Variants in KCNQ1 observed in about 807,000 individuals in gnomAD.
KCNQ1 encodes the protein potassium voltage-gated channel subfamily Q member 1.
KCNQ1 carries 49 observed loss-of-function variants against 72.4 expected under a neutral mutation model. That is an observed-to-expected ratio of 0.68 (90% confidence interval 0.54 to 0.86). KCNQ1 has a LOEUF of 0.86. KCNQ1 is among the 40% of genes least tolerant of loss of function. KCNQ1 has a pLI of 0.00. For missense variants in KCNQ1, 790 were observed against 945.1 expected, an observed-to-expected ratio of 0.84 and a Z score of 2.15; for synonymous variants, 450 against 412.6, an observed-to-expected ratio of 1.09 and a Z score of -1.10.
At position 2,690,089 on chromosome 11, in the gene KCNQ1, G is replaced by C. The variant is rs1409346512; in HGVS notation, c.1514+28008G>C. The C allele has an allele frequency of 2.5e-6, 1 of 398,896 alleles. No individual in the cohort carries two copies. The highest frequency in any genetic ancestry group is 6.3e-4 in the Middle Eastern group (1 of 1,596). The allele number at this position is 398,896 out of a possible 1,614,324, so 24.7% of individuals were successfully genotyped here. A position where few individuals can be genotyped will look rare whatever the true frequency, so the allele number is the denominator to read the frequency against. ...TCTGTCTGGGCTGAAGGCACAGCAGGGACAATCGCTCTTCCGGGGTTAGAA... is the reference window on the plus strand; with the variant it reads ...TCTGTCTGGGCTGAAGGCACAGCAGCGACAATCGCTCTTCCGGGGTTAGAA... On this transcript the variant is annotated intron_variant, in intron 11 of 15. Coordinates refer to ENST00000155840, the MANE Select transcript of KCNQ1 (RefSeq NM_000218.3). This position sits in a 1 kb window ranked among gnomAD's most constrained non-coding sequence, Gnocchi z 5.1.
intron 15 of KCNQ1, among the ~76,000 whole-genome samples, chr11:2,793,342 G>C (rs946389216): frequency 3.3e-5 from 5 of 152,190 alleles, no homozygotes; most frequent in African/African-American, 1.2e-4. Flanking sequence ...AACTGAGGCT[G>C]GGCACAGTGG....
intron 15 of KCNQ1, among the ~76,000 whole-genome samples, chr11:2,811,974 C>A (rs1410206685): frequency 1.3e-5 from 2 of 152,168 alleles, no homozygotes; most frequent in East Asian, 1.9e-4. Context: ...AGACCCCACG[C>A]CCTGGCACGC....
In KCNQ1 at chr11:2,588,121, AC is replaced by A. The variant is rs1848620636; in HGVS notation, c.1251+430del. Among the ~76,000 whole-genome samples, 1 of 152,070 alleles carries A rather than the reference AC, an allele frequency of 6.6e-6. No homozygotes were observed. The highest frequency in any genetic ancestry group is 1.5e-5 in the Non-Finnish European group (1 of 67,990). The stretch of plus-strand genomic sequence containing the variant: ...GTGCAGCGAAGGGGGTCTGGAGGTC[AC>A]AGGGCAGTGGAGTTTGGCAGGCGCT... On this transcript the variant is annotated intron_variant, in intron 9 of 15. Coordinates refer to ENST00000155840, the MANE Select transcript of KCNQ1 (RefSeq NM_000218.3). This position sits in a 1 kb window ranked among gnomAD's most constrained non-coding sequence, Gnocchi z 5.6.
In KCNQ1 at chr11:2,803,164, C is replaced by CA. The variant is rs1564899176; in HGVS notation, c.1794+25127_1794+25128insA. On this transcript the variant is annotated intron_variant, in intron 15 of 15. Coordinates refer to ENST00000155840, the MANE Select transcript of KCNQ1 (RefSeq NM_000218.3). This position sits in a 1 kb window ranked among gnomAD's most constrained non-coding sequence, Gnocchi z 6.4. Reference sequence around the variant, plus strand: ...AGAAAACCCAGCCGGGCCCCCCCCCCCACGGGCACCCAGGAACCGCCCTGG... The same window carrying CA: ...AGAAAACCCAGCCGGGCCCCCCCCCCACACGGGCACCCAGGAACCGCCCTGG... Among the ~76,000 whole-genome samples, 7 of 122,620 alleles carry CA rather than the reference C, an allele frequency of 5.7e-5. No homozygotes were observed. Among genetic ancestry groups the CA allele is most frequent in the African/African-American group, 2.3e-4 (7 of 30,078 alleles). 80.4% of individuals were successfully genotyped at this position (122,620 alleles called of 152,430 possible).
intron 11 of KCNQ1, 113 bp downstream of exon 11, chr11:2,662,194 A>G: frequency 1.4e-6 from 2 of 1,436,292 alleles, no homozygotes; most frequent in Non-Finnish European, 1.9e-6. Flanking sequence ...CTACTCGCCT[A>G]GTGCCCACCA....
intron 10 of KCNQ1, chr11:2,635,026 GTTGT>G (rs2133821187): frequency 6.6e-6 from 1 of 152,294 alleles, no homozygotes; most frequent in African/African-American, 2.4e-5. Flanking sequence ...TTTTGATAGG[GTTGT>G]TTGTTTTTTC....
intron 10 of KCNQ1, chr11:2,648,583 G>A (rs1299914807): frequency 1.5e-5 from 6 of 398,378 alleles, no homozygotes; most frequent in Non-Finnish European, 2.2e-5. Context: ...TTCAATTTCA[G>A]AAGTTCCTCT....
chr11:2,703,190 C>A lies in KCNQ1; in HGVS notation c.1514+41109C>A, dbSNP rs576783052. ...CAGAATTCTGGGAGGGGGCTGCAGT[C>A]ACGGCCAGCTCCCTTTCTGAATTGT... On this transcript the variant is annotated intron_variant, in intron 11 of 15. Transcript: ENST00000155840. The surrounding 1 kb of genome is among the most constrained non-coding windows in gnomAD (Gnocchi z 6.4). Among the ~76,000 whole-genome samples, 17 of 152,286 alleles carry A rather than the reference C, an allele frequency of 1.1e-4. No homozygotes were observed. Among genetic ancestry groups the A allele is most frequent in the African/African-American group, 3.4e-4 (14 of 41,556 alleles).
chr11:2,658,126 ATATGT>A lies in KCNQ1; in HGVS notation c.1394-3832_1394-3828del. ...GGAGAGTATCAAAAAAAATCTGCAA[ATATGT>A]TAAAACTACCACAGCAATTAAAATA... On this transcript the variant is annotated intron_variant, in intron 10 of 15. Transcript: ENST00000155840. The surrounding 1 kb of genome is among the most constrained non-coding windows in gnomAD (Gnocchi z 4.9). 2.5e-6 allele frequency: 1 copy of A among 398,610 alleles called. No homozygotes were observed. The highest frequency in any genetic ancestry group is 4.4e-6 in the Non-Finnish European group (1 of 226,044). 24.7% of individuals were successfully genotyped at this position (398,610 alleles called of 1,614,324 possible). A position where few individuals can be genotyped will look rare whatever the true frequency, so the allele number is the denominator to read the frequency against.
intron 10 of KCNQ1, chr11:2,609,736 A>G (rs541525553): frequency 2.5e-6 from 1 of 398,348 alleles, no homozygotes; most frequent in South Asian, 1.3e-4. Flanking sequence ...TAATCATTGT[A>G]TCTTCTCATG....
rs1030272548 is a variant in KCNQ1, at chr11:2,734,155, G to A, written c.1515-34689G>A. Among the ~76,000 whole-genome samples, 1 of 152,126 alleles carries A rather than the reference G, an allele frequency of 6.6e-6. No homozygotes were observed. The highest frequency in any genetic ancestry group is 2.4e-5 in the African/African-American group (1 of 41,424). On this transcript the variant is annotated intron_variant, in intron 11 of 15. Transcript: ENST00000155840. The surrounding 1 kb of genome is among the most constrained non-coding windows in gnomAD (Gnocchi z 7.0). ...TCCTGCTCCGGCCCCAGGGCCCGCA[G>A]GTGTGTGTGAGAGGTGCATGGTGGA...
chr11:2,529,963 T>A (rs1415869917), intron 2 of KCNQ1, among the ~76,000 whole-genome samples: 2 of 152,192 alleles, frequency 1.3e-5, no homozygotes, highest in East Asian at 3.9e-4. Flanking sequence ...GAGGTGCTCC[T>A]GTCAGTGAGG....
At position 2,462,023 on chromosome 11, in the gene KCNQ1, A is replaced by T. The variant is rs1409013520; in HGVS notation, c.386+16539A>T. ...CCTAGTCCCAATACAGCTGGGATGC[A>T]TTGCTGCTCCTTCCGCCATCCCAGC... On this transcript the variant is annotated intron_variant, in intron 1 of 15. Transcript: ENST00000155840. This position sits in a 1 kb window ranked among gnomAD's most constrained non-coding sequence, Gnocchi z 8.2. 1 of 339,616 alleles carries T rather than the reference A, an allele frequency of 2.9e-6. No homozygotes were observed. The highest frequency in any genetic ancestry group is 3.8e-5 in the Admixed American group (1 of 25,984). The allele number at this position is 339,616 out of a possible 1,614,324, so 21.0% of individuals were successfully genotyped here. A position where few individuals can be genotyped will look rare whatever the true frequency, so the allele number is the denominator to read the frequency against.
rs544651137 is a variant in KCNQ1, at chr11:2,782,170, G to A, written c.1794+4133G>A. 4.6e-5 allele frequency among the ~76,000 whole-genome samples: 7 copies of A among 152,186 alleles called. No individual in the cohort carries two copies. Among genetic ancestry groups the A allele is most frequent in the African/African-American group, 7.2e-5 (3 of 41,528 alleles). On this transcript the variant is annotated intron_variant, in intron 15 of 15. Coordinates refer to ENST00000155840, the MANE Select transcript of KCNQ1 (RefSeq NM_000218.3). This position sits in a 1 kb window ranked among gnomAD's most constrained non-coding sequence, Gnocchi z 6.1. ...CCCGAGCTGCACCCCCAGAGCCGCCGTGCTGCTGTTCATCCTCTCCCTTTA... is the reference window on the plus strand; with the variant it reads ...CCCGAGCTGCACCCCCAGAGCCGCCATGCTGCTGTTCATCCTCTCCCTTTA...
At chr11:2,615,133 G>T (rs1849040483) in intron 10 of KCNQ1, 1 of 397,986 alleles carries the variant, frequency 2.5e-6, no homozygotes, top group Non-Finnish European at 4.4e-6. Context: ...TTTATTCCTA[G>T]CTATTTTACT....
intron 2 of KCNQ1, among the ~76,000 whole-genome samples, chr11:2,540,383 C>T (rs568811383): frequency 9.4e-5 from 14 of 148,686 alleles, no homozygotes; most frequent in African/African-American, 2.1e-4. Flanking sequence ...TGCGGCCTCA[C>T]GGGGTCAGGA....
intron 11 of KCNQ1, chr11:2,665,530 T>A: frequency 2.5e-6 from 1 of 393,788 alleles, no homozygotes; most frequent in Non-Finnish European, 4.4e-6. Flanking sequence ...CCATCTAGAA[T>A]GCCCTTGTCA....
rs1327525768 is a variant in KCNQ1, at chr11:2,720,272, A to G, written c.1515-48572A>G. The stretch of plus-strand genomic sequence containing the variant: ...ATCTTTAAAAAGTATCGGTGGGCTC[A>G]TGGGGGCTTGAGTGTCCTGGCAGCT... On this transcript the variant is annotated intron_variant, in intron 11 of 15. Coordinates refer to ENST00000155840, the MANE Select transcript of KCNQ1 (RefSeq NM_000218.3). This position sits in a 1 kb window ranked among gnomAD's most constrained non-coding sequence, Gnocchi z 5.1. Among the ~76,000 whole-genome samples the G allele has an allele frequency of 6.6e-6, 1 of 152,122 alleles. No homozygotes were observed. The highest frequency in any genetic ancestry group is 2.4e-5 in the African/African-American group (1 of 41,440).
At chr11:2,490,458 C>T (rs576127139) in intron 1 of KCNQ1, among the ~76,000 whole-genome samples, 6 of 152,294 alleles carry the variant, frequency 3.9e-5, no homozygotes, top group East Asian at 1.9e-4. Context: ...GTGCTTACAG[C>T]GGGCCTTGGG....
Sources: gnomAD v4.1 joint callset for allele counts (sites outside exome capture counted in the v4.1 genomes callset) on GRCh38, gnomAD v4.1.1 for gene constraint, Gnocchi (gnomAD v3.1) non-coding constraint, MANE v1.5 for transcripts, NCBI Gene and HGNC (gene_info 2026-07-23, HGNC 2026-07-21) for gene names.